The following MYO1B variants were observed in gnomAD, a reference collection of about 807,000 sequenced individuals.
MYO1B encodes the protein unconventional myosin-Ib.
MYO1B carries 72 observed loss-of-function variants against 159.7 expected under a neutral mutation model. The ratio of observed to expected loss-of-function variants is 0.45; its 90% confidence interval spans 0.37 to 0.55. MYO1B has a LOEUF of 0.55. Ranked by LOEUF, MYO1B falls within the 20% of genes least tolerant of loss-of-function variation. The pLI is 0.00. For missense variants in MYO1B, 1,062 were observed against 1,364.8 expected, an observed-to-expected ratio of 0.78 and a Z score of 3.50; for synonymous variants, 468 against 473.8, an observed-to-expected ratio of 0.99 and a Z score of 0.16.
At chr2:191,421,707 C>T (rs1697954577) in intron 30 of MYO1B, among the ~76,000 whole-genome samples, 1 of 152,204 alleles carries the variant, frequency 6.6e-6, no homozygotes, top group East Asian at 1.9e-4. Flanking sequence ...AACTCCTGGC[C>T]TCAAGTTACC....
rs180833264 is a variant in MYO1B at position 191,304,692 on chromosome 2, T to C, written c.251+8466T>C. Among the ~76,000 whole-genome samples the C allele has an allele frequency of 5.1e-3, 784 of 152,306 alleles. 25 individuals are homozygous for C. Among genetic ancestry groups the C allele is most frequent in the Non-Finnish European group, 1.2e-3 (85 of 68,018 alleles). The stretch of plus-strand genomic sequence containing the variant: ...AGCTTTTAAAACTCAAGTAGGAAGG[T>C]TGATTTGATGCCAGCCTAATGTTTT... On this transcript the variant is annotated intron_variant, in intron 3 of 30. Transcript: ENST00000392318.
intron 13 of MYO1B, among the ~76,000 whole-genome samples, chr2:191,373,999 G>A (rs893513723): frequency 6.6e-6 from 1 of 152,008 alleles, no homozygotes; most frequent in Non-Finnish European, 1.5e-5. Context: ...TTAGATTAGC[G>A]ATTTGGTTGG....
Position 191,330,016 on chromosome 2 carries a change from A to T in MYO1B, c.333A>T (p.Gly111=). 1 of 1,611,872 alleles carries T rather than the reference A, an allele frequency of 6.2e-7. No individual in the cohort carries two copies. Among genetic ancestry groups the T allele is most frequent in the South Asian group, 1.1e-5 (1 of 90,896 alleles). ...DQCILITGES[G]AGKTEASKLV... Reference sequence around the variant, plus strand: ...GTATTCTCATTACTGGGGAAAGTGGAGCAGGAAAAACAGGTAAGGCTCCTA... The same window carrying T: ...GTATTCTCATTACTGGGGAAAGTGGTGCAGGAAAAACAGGTAAGGCTCCTA... The change falls in exon 4 of 31, where the codon GGA becomes GGT. Residue 111 remains glycine, a synonymous_variant. Coordinates refer to ENST00000392318, the MANE Select transcript of MYO1B (RefSeq NM_001130158.3).
chr2:191,257,733 T>C (rs1205219396), intron 1 of MYO1B, among the ~76,000 whole-genome samples: 1 of 152,254 alleles, frequency 6.6e-6, no homozygotes, highest in Non-Finnish European at 1.5e-5. Flanking sequence ...TGTTACCTGC[T>C]ATCAGCTGAA....
chr2:191,270,329 T>G (rs1401014439), intron 1 of MYO1B, among the ~76,000 whole-genome samples: 2 of 152,182 alleles, frequency 1.3e-5, no homozygotes, highest in Admixed American at 6.5e-5. Flanking sequence ...TATTTTCTAG[T>G]TTTTTTCTAT....
At chr2:191,303,601 A>G (rs1021454386) in intron 3 of MYO1B, among the ~76,000 whole-genome samples, 9 of 152,208 alleles carry the variant, frequency 5.9e-5, no homozygotes, top group South Asian at 2.1e-4. Context: ...TCCTGTCTTC[A>G]TGAGAGAGGC....
intron 3 of MYO1B, among the ~76,000 whole-genome samples, chr2:191,298,274 A>G (rs1308568545): frequency 6.6e-6 from 1 of 152,256 alleles, no homozygotes; most frequent in Non-Finnish European, 1.5e-5. Context: ...GTTTTCTTCT[A>G]GAAGTAGATA....
chr2:191,266,450 G>A (rs565096155), intron 1 of MYO1B, among the ~76,000 whole-genome samples: 8 of 152,282 alleles, frequency 5.3e-5, no homozygotes, highest in East Asian at 1.9e-4. Context: ...GGGGTGGATC[G>A]AAAGGATCCT....
At chr2:191,340,169 C>T (rs756326952) in intron 4 of MYO1B, among the ~76,000 whole-genome samples, 2 of 151,972 alleles carry the variant, frequency 1.3e-5, no homozygotes, top group African/African-American at 2.4e-5. Flanking sequence ...AGTTACGGAA[C>T]ATTAGAACAA....
At chr2:191,309,387 C>T (rs1689853933) in intron 3 of MYO1B, among the ~76,000 whole-genome samples, 1 of 152,196 alleles carries the variant, frequency 6.6e-6, no homozygotes, top group African/African-American at 2.4e-5. Context: ...GTGGCCTCCT[C>T]ACTGTGTCCC....
intron 3 of MYO1B, among the ~76,000 whole-genome samples, chr2:191,310,040 G>T (rs1689899522): frequency 6.6e-6 from 1 of 152,214 alleles, no homozygotes; most frequent in African/African-American, 2.4e-5. Context: ...AACTGTAGAA[G>T]ACATGGTTTT....
chr2:191,316,143 G>A (rs1690334337), intron 3 of MYO1B, among the ~76,000 whole-genome samples: 3 of 152,292 alleles, frequency 2.0e-5, no homozygotes, highest in Non-Finnish European at 4.4e-5. Flanking sequence ...TGAATTAAAG[G>A]TGGTCTTCAG....
At chr2:191,258,615 G>GTGAC (rs1187267241) in intron 1 of MYO1B, among the ~76,000 whole-genome samples, 1 of 152,206 alleles carries the variant, frequency 6.6e-6, no homozygotes, top group African/African-American at 2.4e-5. Context: ...GATGTGGTGT[G>GTGAC]TGACTATATC....
At chr2:191,296,649 T>C (rs1689001801) in intron 3 of MYO1B, among the ~76,000 whole-genome samples, 1 of 152,174 alleles carries the variant, frequency 6.6e-6, no homozygotes, top group South Asian at 2.1e-4. Context: ...ACCTTCAGTT[T>C]GTAATTTTTG....
intron 3 of MYO1B, among the ~76,000 whole-genome samples, chr2:191,301,503 A>C (rs564086232): frequency 2.0e-4 from 30 of 152,348 alleles, no homozygotes; most frequent in Admixed American, 5.9e-4. Context: ...AATGCAGTCA[A>C]AATGCAGTCA....
At chr2:191,253,636 A>G (rs1277715154) in intron 1 of MYO1B, among the ~76,000 whole-genome samples, 2 of 152,190 alleles carry the variant, frequency 1.3e-5, no homozygotes, top group Non-Finnish European at 2.9e-5. Context: ...ACACATTCAT[A>G]TGGTTAAATT....
chr2:191,390,450 T>C lies in MYO1B; in HGVS notation c.1940T>C (p.Met647Thr). Residue 647 changes from methionine (M) to threonine (T), a missense_variant, in exon 18 of 31, where the codon ATG becomes ACG. Transcript: ENST00000392318. ...GAACCTTGCCTAGAAAGATACAAAA[T>C]GCTTTGTAAACAAACATGGCCTCAT... ...AYEPCLERYK[M>T]LCKQTWPHWK... 6.2e-7 allele frequency: 1 copy of C among 1,614,172 alleles called. No homozygotes were observed. Among genetic ancestry groups the C allele is most frequent in the Non-Finnish European group, 8.5e-7 (1 of 1,180,010 alleles).
At chr2:191,257,490 A>G (rs1331851630) in intron 1 of MYO1B, among the ~76,000 whole-genome samples, 1 of 152,242 alleles carries the variant, frequency 6.6e-6, no homozygotes, top group Non-Finnish European at 1.5e-5. Flanking sequence ...CAAAGAAACC[A>G]TGCCAAATCT....
chr2:191,262,289 G>GCC (rs1004788758), intron 1 of MYO1B, among the ~76,000 whole-genome samples: 5 of 151,858 alleles, frequency 3.3e-5, no homozygotes, highest in African/African-American at 1.2e-4. Context: ...TTATTCTGCC[G>GCC]CCCCCCCTCC....
Sources: allele counts gnomAD v4.1 joint callset (sites outside exome capture counted in the v4.1 genomes callset), GRCh38; gene constraint gnomAD v4.1.1; transcripts MANE v1.5; gene names NCBI Gene and HGNC (gene_info 2026-07-23, HGNC 2026-07-21).